The following DLG2 variants were observed in gnomAD, a reference collection of about 807,000 sequenced individuals.
DLG2 encodes the protein disks large homolog 2.
In DLG2, 45 loss-of-function variants were observed where a neutral mutation model predicts 132.5. The ratio of observed to expected loss-of-function variants is 0.34; its 90% CI spans 0.27 to 0.44. DLG2 has a LOEUF of 0.44. Ranked by LOEUF, DLG2 falls within the 20% of genes least tolerant of loss-of-function variation. The pLI is 1.00. For missense variants in DLG2, 1,045 were observed against 1,196.9 expected (o/e 0.87, Z 1.87); for synonymous variants, 424 against 419.6 (o/e 1.01, Z -0.13).
chr11:85,149,894 A>C, intron 5 of DLG2, among the ~76,000 whole-genome samples: 1 of 152,110 alleles, frequency 6.6e-6, no homozygotes, highest in African/African-American at 2.4e-5. Flanking sequence ...ATAAACAATT[A>C]AAAACTAAGG....
chr11:84,800,987 G>C (rs758655728), intron 6 of DLG2, among the ~76,000 whole-genome samples: 5 of 152,148 alleles, frequency 3.3e-5, no homozygotes, highest in African/African-American at 7.2e-5. Context: ...GGAATTCTGA[G>C]CATCTCAGCT....
At position 84,124,847 on chromosome 11, in the gene DLG2, CTT is replaced by C. The variant is rs34177526; in HGVS notation, c.625-25802_625-25801del. On this transcript the variant is annotated intron_variant, in intron 9 of 27. Coordinates refer to ENST00000376104, the MANE Select transcript of DLG2 (RefSeq NM_001142699.3). ...TTTGTTGAGAAATAACTTGTTTTCA[CTT>C]TTTTTTTTTTTTTTTTTTGAGAGGG... Among the ~76,000 whole-genome samples the C allele has an allele frequency of 1.3e-3, 160 of 121,190 alleles. 3 individuals carry two copies. The highest frequency in any genetic ancestry group is 4.8e-3 in the African/African-American group (154 of 31,842). The allele number at this position is 121,190 out of a possible 152,430, so 79.5% of individuals were successfully genotyped here.
Position 83,457,279 on chromosome 11 carries a change from A to C in DLG2, c.*2539T>G, listed in dbSNP as rs2089163900. ...ATACAAGTCATCAGATTTGCTGCAA[A>C]ATACACCAGTTCATTGGAGCCATAG... On this transcript the variant is annotated 3_prime_UTR_variant, in exon 28 of 28. Transcript: ENST00000376104. 1 of 152,638 alleles carries C rather than the reference A, an allele frequency of 6.6e-6. No homozygotes were observed. Among genetic ancestry groups the C allele is most frequent in the Non-Finnish European group, 1.5e-5 (1 of 68,046 alleles). 9.5% of individuals were successfully genotyped at this position (152,638 alleles called of 1,614,324 possible).
At chr11:84,053,952 A>G (rs974096037) in intron 11 of DLG2, among the ~76,000 whole-genome samples, 1 of 151,164 alleles carries the variant, frequency 6.6e-6, no homozygotes, top group Non-Finnish European at 1.5e-5. Flanking sequence ...ATGAGAATTT[A>G]AAAACATTTT....
At chr11:83,799,586 T>C (rs2043790829) in intron 17 of DLG2, among the ~76,000 whole-genome samples, 1 of 152,170 alleles carries the variant, frequency 6.6e-6, no homozygotes, top group African/African-American at 2.4e-5. Context: ...CAAATACTTC[T>C]GGAAGCCAAA....
intron 17 of DLG2, among the ~76,000 whole-genome samples, chr11:83,827,203 G>A (rs1328475437): frequency 1.3e-5 from 2 of 152,082 alleles, no homozygotes; most frequent in African/African-American, 4.8e-5. Flanking sequence ...GGATGGCAGT[G>A]GAGAGGTGGA....
intron 7 of DLG2, among the ~76,000 whole-genome samples, chr11:84,438,233 C>A (rs2099006862): frequency 6.6e-6 from 1 of 152,186 alleles, no homozygotes; most frequent in Non-Finnish European, 1.5e-5. Flanking sequence ...CCACAACTTA[C>A]AAGGTAAACA....
intron 6 of DLG2, among the ~76,000 whole-genome samples, chr11:84,927,364 T>A (rs1013937989): frequency 4.6e-5 from 7 of 151,974 alleles, no homozygotes; most frequent in Non-Finnish European, 8.8e-5. Flanking sequence ...ATTAGGTAAG[T>A]TTATACGTTA....
At chr11:83,595,031 T>G (rs2057329622) in intron 19 of DLG2, among the ~76,000 whole-genome samples, 1 of 152,214 alleles carries the variant, frequency 6.6e-6, no homozygotes, top group South Asian at 2.1e-4. Flanking sequence ...GACATATTCT[T>G]TTATCAATGC....
At chr11:84,641,250 T>C (rs368251075) in intron 6 of DLG2, among the ~76,000 whole-genome samples, 1 of 152,312 alleles carries the variant, frequency 6.6e-6, no homozygotes, top group Non-Finnish European at 1.5e-5. Flanking sequence ...TCACTATATA[T>C]AAAGTGAAGA....
At chr11:85,234,254 T>C (rs1218971782) in intron 4 of DLG2, among the ~76,000 whole-genome samples, 1 of 151,988 alleles carries the variant, frequency 6.6e-6, no homozygotes, top group Non-Finnish European at 1.5e-5. Context: ...AGAGTATATA[T>C]GGATAATAAC....
At chr11:85,069,419 T>C (rs2065448311) in intron 6 of DLG2, among the ~76,000 whole-genome samples, 1 of 152,140 alleles carries the variant, frequency 6.6e-6, no homozygotes, top group Admixed American at 6.6e-5. Flanking sequence ...AAAGGGCTAA[T>C]ATCCAGAATC....
At chr11:84,921,120 G>C (rs1006787544) in intron 6 of DLG2, among the ~76,000 whole-genome samples, 1 of 151,966 alleles carries the variant, frequency 6.6e-6, no homozygotes, top group South Asian at 2.1e-4. Context: ...AGTCAAAATA[G>C]ATAAAAATAT....
At chr11:84,013,053 C>T (rs1019381285) in intron 11 of DLG2, among the ~76,000 whole-genome samples, 4 of 152,046 alleles carry the variant, frequency 2.6e-5, no homozygotes, top group Non-Finnish European at 4.4e-5. Context: ...GAACAACTAC[C>T]TTTAGAAGGG....
At chr11:85,563,787 C>T (rs1002635451) in intron 3 of DLG2, among the ~76,000 whole-genome samples, 7 of 152,044 alleles carry the variant, frequency 4.6e-5, no homozygotes, top group African/African-American at 1.7e-4. Context: ...CATTCTTATA[C>T]AATGCTTTGT....
chr11:85,090,713 G>C (rs1455433591), intron 6 of DLG2, among the ~76,000 whole-genome samples: 2 of 152,146 alleles, frequency 1.3e-5, no homozygotes, highest in Non-Finnish European at 2.9e-5. Context: ...TTCAGGTTCA[G>C]TTCTAGATCA....
At chr11:84,142,835 G>T (rs1053610008) in intron 9 of DLG2, among the ~76,000 whole-genome samples, 1 of 152,018 alleles carries the variant, frequency 6.6e-6, no homozygotes, top group Admixed American at 6.6e-5. Context: ...TGAATTAATT[G>T]TACCACTGAC....
chr11:84,597,587 G>T (rs984399814), intron 6 of DLG2, among the ~76,000 whole-genome samples: 9 of 152,156 alleles, frequency 5.9e-5, no homozygotes, highest in Admixed American at 5.9e-4. Context: ...AGGCATGGAT[G>T]CTTTTCAAGA....
intron 7 of DLG2, among the ~76,000 whole-genome samples, chr11:84,442,493 C>A (rs1290532337): frequency 1.3e-5 from 2 of 151,492 alleles, no homozygotes; most frequent in Non-Finnish European, 2.9e-5. Flanking sequence ...ACACATGGAC[C>A]CAGGGAGGGG....
Sources: allele counts gnomAD v4.1 joint callset (sites outside exome capture counted in the v4.1 genomes callset), GRCh38; gene constraint gnomAD v4.1.1; transcripts MANE v1.5; gene names NCBI Gene and HGNC (gene_info 2026-07-23, HGNC 2026-07-21).